Variants in FOXK2 observed in about 807,000 individuals in gnomAD.
FOXK2 encodes the protein forkhead box K2.
A neutral mutation model predicts 53.3 loss-of-function variants in FOXK2; 24 were observed. That is an observed-to-expected ratio of 0.45 (90% CI 0.33 to 0.63). FOXK2 has a LOEUF of 0.63. FOXK2 is among the 30% of genes least tolerant of loss of function. The pLI is 0.03. For missense variants in FOXK2, 952 were observed against 910.5 expected, an observed-to-expected ratio of 1.05 and a Z score of -0.59; for synonymous variants, 505 against 407.1, an observed-to-expected ratio of 1.24 and a Z score of -2.89.
intron 1 of FOXK2, among the ~76,000 whole-genome samples, chr17:82,549,114 A>G (rs961747553): frequency 6.6e-6 from 1 of 152,206 alleles, no homozygotes; most frequent in Non-Finnish European, 1.5e-5. Flanking sequence ...TTATAGGAGA[A>G]TGTGTCTTTG....
chr17:82,589,458 T>A (rs1391157579), intron 8 of FOXK2, among the ~76,000 whole-genome samples: 1 of 152,198 alleles, frequency 6.6e-6, no homozygotes, highest in African/African-American at 2.4e-5. Context: ...CCCAAAAATA[T>A]AACAAATTCT....
intron 1 of FOXK2, among the ~76,000 whole-genome samples, chr17:82,535,811 G>A (rs1379900650): frequency 1.3e-5 from 2 of 149,796 alleles, no homozygotes; most frequent in Non-Finnish European, 3.0e-5. Flanking sequence ...GCAGTGGCGC[G>A]ATCTGGGCTC....
chr17:82,520,202 C>A lies in FOXK2; in HGVS notation c.314C>A (p.Pro105His). The A allele has an allele frequency of 7.5e-7, 1 of 1,334,960 alleles. No homozygotes were observed. The highest frequency in any genetic ancestry group is 9.6e-7 in the Non-Finnish European group (1 of 1,044,330). The allele number at this position is 1,334,960 out of a possible 1,614,324, so 82.7% of individuals were successfully genotyped here. ...GAGCTGCCGCCCGCGCAGCCCAGGCCCGACGCCGGCGGCGACTTCTACCTG... is the reference window on the plus strand; with the variant it reads ...GAGCTGCCGCCCGCGCAGCCCAGGCACGACGCCGGCGGCGACTTCTACCTG... ...APELPPAQPR[P>H]DAGGDFYLRC... is the part of the protein sequence containing the mutation. The change falls in exon 1 of 9, where the codon CCC becomes CAC. Residue 105 changes from proline (P) to histidine (H), a missense_variant. Coordinates refer to ENST00000335255, the MANE Select transcript of FOXK2 (RefSeq NM_004514.4).
Position 82,546,624 on chromosome 17 carries a change from C to T in FOXK2, c.420-16730C>T, listed in dbSNP as rs576493054. ...CCAGTGTCAAACAGAGGTAACACCT[C>T]GCTTTTCTTTTCCTTTTTTTTAAAC... On this transcript the variant is annotated intron_variant, in intron 1 of 8. Transcript: ENST00000335255. Among the ~76,000 whole-genome samples the T allele has an allele frequency of 3.9e-5, 6 of 151,942 alleles. No individual in the cohort carries two copies. In the South Asian group the frequency reaches 6.2e-4, roughly 16 times the overall value.
intron 3 of FOXK2, among the ~76,000 whole-genome samples, chr17:82,569,037 GAA>G (rs2044884481): frequency 6.6e-6 from 1 of 152,094 alleles, no homozygotes. Flanking sequence ...AAAATAAAAA[GAA>G]CGCAACCTCA....
rs9914529 is a variant in FOXK2 at position 82,587,054 on chromosome 17, T to G, written c.1577-9T>G. On this transcript the variant is annotated splice_polypyrimidine_tract_variant and intron_variant, in intron 7 of 8. Coordinates refer to ENST00000335255, the MANE Select transcript of FOXK2 (RefSeq NM_004514.4). ...AATATTAATGTCGTTTCTTTTCCTT[T>G]AATTTCAGTGAAAGTAGAGCCTATT... The G allele has an allele frequency of 2.5e-6, 4 of 1,611,356 alleles. No homozygotes were observed. In the African/African-American group the frequency reaches 4.0e-5, roughly 16 times the overall value.
Position 82,520,182 on chromosome 17 carries a change from G to A in FOXK2, c.294G>A (p.Leu98=). The A allele has an allele frequency of 6.9e-7, 1 of 1,446,344 alleles. No homozygotes were observed. Among genetic ancestry groups the A allele is most frequent in the Non-Finnish European group, 9.1e-7 (1 of 1,097,260 alleles). The allele number at this position is 1,446,344 out of a possible 1,614,324, so 89.6% of individuals were successfully genotyped here. A position where few individuals can be genotyped will look rare whatever the true frequency, so the allele number is the denominator to read the frequency against. The part of the protein sequence containing the change: ...GGGHGGAAPE[L]PPAQPRPDAG... ...GCCATGGCGGGGCCGCTCCGGAGCT[G>A]CCGCCCGCGCAGCCCAGGCCCGACG... Residue 98 remains leucine, a synonymous_variant, in exon 1 of 9, where the codon CTG becomes CTA. Transcript: ENST00000335255.
intron 8 of FOXK2, among the ~76,000 whole-genome samples, chr17:82,595,344 C>G (rs11078002): frequency 0.72 from 109,104 of 151,972 alleles, 39,226 homozygotes; most frequent in Middle Eastern, 0.81. Flanking sequence ...GTCTGTCACT[C>G]AGACTGGAGT....
intron 3 of FOXK2, among the ~76,000 whole-genome samples, chr17:82,570,813 G>A (rs113634686): frequency 1.3e-5 from 2 of 152,322 alleles, no homozygotes; most frequent in African/African-American, 4.8e-5. Flanking sequence ...GCCTGTAAGT[G>A]TGGGTTTCAA....
At chr17:82,557,953 C>T (rs892069562) in intron 1 of FOXK2, among the ~76,000 whole-genome samples, 3 of 152,184 alleles carry the variant, frequency 2.0e-5, no homozygotes, top group Non-Finnish European at 4.4e-5. Flanking sequence ...GCGTCTGGCC[C>T]CTTTCCTCAT....
intron 1 of FOXK2, among the ~76,000 whole-genome samples, chr17:82,522,167 G>GC (rs1460581953): frequency 6.7e-6 from 1 of 150,210 alleles, no homozygotes; most frequent in Non-Finnish European, 1.5e-5. Context: ...CTGTGACCTA[G>GC]CCTGGAGTGT....
intron 4 of FOXK2, chr17:82,577,463 G>T (rs553881929): frequency 8.6e-4 from 299 of 347,140 alleles, no homozygotes; most frequent in Non-Finnish European, 1.4e-3. Flanking sequence ...CGGGCGGCCG[G>T]GTTAAGGTCT....
chr17:82,520,541 C>T (rs762814254), intron 1 of FOXK2, among the ~76,000 whole-genome samples: 1 of 152,346 alleles, frequency 6.6e-6, no homozygotes, highest in East Asian at 1.9e-4. Context: ...CGTCTTTCCC[C>T]CTTCCTGGAG....
intron 1 of FOXK2, among the ~76,000 whole-genome samples, chr17:82,522,612 C>A (rs2044374847): frequency 6.6e-6 from 1 of 151,830 alleles, no homozygotes; most frequent in Admixed American, 6.6e-5. Flanking sequence ...ACCTCATGAT[C>A]TGCCCGCCTC....
chr17:82,591,657 G>A (rs537990142), intron 8 of FOXK2, among the ~76,000 whole-genome samples: 214 of 152,342 alleles, frequency 1.4e-3, no homozygotes, highest in Non-Finnish European at 2.7e-3. Context: ...CTCCCTGGCA[G>A]GGAGATGTGG....
intron 1 of FOXK2, among the ~76,000 whole-genome samples, chr17:82,524,743 A>G (rs1422372408): frequency 1.3e-5 from 2 of 152,126 alleles, no homozygotes; most frequent in Non-Finnish European, 2.9e-5. Flanking sequence ...TTCCTGGGAG[A>G]CTGGAGGGTG....
intron 1 of FOXK2, among the ~76,000 whole-genome samples, chr17:82,541,929 G>T (rs1338909223): frequency 1.3e-5 from 2 of 150,270 alleles, no homozygotes; most frequent in Non-Finnish European, 3.0e-5. Context: ...TTCCCAGGCT[G>T]GAGTGCAGTG....
At position 82,559,735 on chromosome 17, in the gene FOXK2, G is replaced by T. The variant is rs574930030; in HGVS notation, c.420-3619G>T. 1.4e-4 allele frequency among the ~76,000 whole-genome samples: 20 copies of T among 144,384 alleles called. No homozygotes were observed. The Admixed American group carries it at 1.5e-3, about 11-fold the overall frequency. The allele number at this position is 144,384 out of a possible 152,430, so 94.7% of individuals were successfully genotyped here. On this transcript the variant is annotated intron_variant, in intron 1 of 8. Transcript: ENST00000335255. ...TGTTGAAAGGGAGCTAAGCTCAGTC[G>T]GATCTCAGATACATGGCAGGTGATC... is the stretch of plus-strand genomic sequence containing the variant.
chr17:82,545,702 C>T (rs1433008884), intron 1 of FOXK2, among the ~76,000 whole-genome samples: 1 of 151,966 alleles, frequency 6.6e-6, no homozygotes, highest in Non-Finnish European at 1.5e-5. Flanking sequence ...CTATCTCAGC[C>T]TCCTGAGTGG....
Sources: gnomAD v4.1 joint callset for allele counts (sites outside exome capture counted in the v4.1 genomes callset) on GRCh38, gnomAD v4.1.1 for gene constraint, MANE v1.5 for transcripts, NCBI Gene and HGNC (gene_info 2026-07-23, HGNC 2026-07-21) for gene names.